Variants in NLRC5 observed in about 807,000 individuals in gnomAD.
NLRC5 encodes NLR family CARD domain containing 5.
NLRC5 carries 114 observed loss-of-function variants against 206.9 expected under a neutral mutation model. The observed-to-expected ratio is 0.55, with a 90% CI of 0.47 to 0.64. NLRC5 has a LOEUF of 0.64. Among genes scored for constraint, NLRC5 ranks in the 30% least tolerant of loss-of-function variants. The pLI is 0.00. For missense variants in NLRC5, 2,008 were observed against 2,305.5 expected (o/e 0.87, Z 2.64); for synonymous variants, 952 against 962.8 (o/e 0.99, Z 0.21).
intron 2 of NLRC5, among the ~76,000 whole-genome samples, chr16:57,017,730 T>C (rs1416123020): frequency 2.0e-5 from 3 of 152,236 alleles, no homozygotes; most frequent in Admixed American, 6.5e-5. Flanking sequence ...AGGCATGACA[T>C]GAGTCTTTTT....
chr16:57,082,517 TG>T lies in NLRC5; in HGVS notation c.5594del (p.Gly1865ValfsTer19), dbSNP rs778943970. 20 of 1,612,816 alleles carry T rather than the reference TG, an allele frequency of 1.2e-5. No individual in the cohort carries two copies. In the East Asian group the frequency reaches 1.6e-4, roughly 13 times the overall value. On this transcript the variant is annotated frameshift_variant, in exon 49 of 49. Transcript: ENST00000688547. LOFTEE classifies it high-confidence loss of function. ...CTTTGACAACCAGCCCCAGGCCCCT[TG>T]GGGTACTTGATGGCCCCCTCAAGAC... ...AFFDNQPQAP[W>X]GT
Position 57,055,488 on chromosome 16 carries a change from C to T in NLRC5, c.3715C>T (p.Leu1239=). 6.2e-7 allele frequency: 1 copy of T among 1,613,820 alleles called. No homozygotes were observed. The highest frequency in any genetic ancestry group is 8.5e-7 in the Non-Finnish European group (1 of 1,179,862). The change falls in exon 27 of 49, where the codon CTG becomes TTG. Residue 1239 remains leucine, a synonymous_variant. Transcript: ENST00000688547. ...QEHVESLCWL[L]SKCKDLSQVD... ...GCACGTAGAGTCACTCTGCTGGTTG[C>T]TGAGCAAGTGTAAAGACCTCAGCCA...
chr16:57,073,221 C>G (rs152221), intron 38 of NLRC5, among the ~76,000 whole-genome samples: 63,187 of 152,018 alleles, frequency 0.42, 13,830 homozygotes, highest in South Asian at 0.58. Flanking sequence ...TGCTCCTTAC[C>G]TCCTGCTGCC....
intron 1 of NLRC5, among the ~76,000 whole-genome samples, chr16:57,015,638 AGG>A (rs2059982847): frequency 6.7e-6 from 1 of 149,004 alleles, no homozygotes; most frequent in Non-Finnish European, 1.5e-5. Flanking sequence ...AAATAAATAA[AGG>A]AAAGAGGCTG....
chr16:57,078,120 C>T, intron 43 of NLRC5, 100 bp downstream of exon 43: 3 of 972,382 alleles, frequency 3.1e-6, no homozygotes, highest in South Asian at 3.7e-5. Context: ...CTGCCCTGCC[C>T]CAAGTCAAGC....
chr16:57,013,684 C>G, intron 1 of NLRC5: 1 of 845,160 alleles, frequency 1.2e-6, no homozygotes, highest in Non-Finnish European at 2.1e-6. Context: ...AACTCACTTG[C>G]TGGTAACCTG....
At chr16:57,077,081 T>C (rs1393074540) in intron 40 of NLRC5, among the ~76,000 whole-genome samples, 179 bp downstream of exon 40, 1 of 151,970 alleles carries the variant, frequency 6.6e-6, no homozygotes, top group African/African-American at 2.4e-5. Context: ...GATGTAAGAG[T>C]GTCAATTGTA....
At chr16:57,054,653 G>A in intron 24 of NLRC5, 98 bp from the exon 25 acceptor site, 1 of 866,264 alleles carries the variant, frequency 1.2e-6, no homozygotes, top group South Asian at 1.3e-5. Context: ...TTGCCTTGCT[G>A]AGCTGCTAGC....
intron 12 of NLRC5, 86 bp from the exon 13 acceptor site, chr16:57,034,082 C>A: frequency 8.7e-7 from 1 of 1,142,860 alleles, no homozygotes; most frequent in East Asian, 2.5e-5. Context: ...TGTGGGCCCC[C>A]TGACTCCCCC....
At position 57,070,609 on chromosome 16, in the gene NLRC5, A is replaced by G; in HGVS notation, c.4658A>G (p.Lys1553Arg). ...GCCCTTGAGGGGAAATGGATGCTAA[A>G]GAGGCTGGAGTAAGTAGTGATGGTG... ...MRALEGKWML[K>R]RLDLSHLLLN... Residue 1553 changes from lysine to arginine, a missense_variant, in exon 38 of 49, where the codon AAG becomes AGG. Transcript: ENST00000688547. 4 of 1,613,960 alleles carry G rather than the reference A, an allele frequency of 2.5e-6. No individual in the cohort carries two copies. The highest frequency in any genetic ancestry group is 1.3e-5 in the African/African-American group (1 of 75,044).
intron 1 of NLRC5, among the ~76,000 whole-genome samples, chr16:57,016,322 AC>A (rs1384009467): frequency 6.6e-6 from 1 of 152,218 alleles, no homozygotes; most frequent in East Asian, 1.9e-4. Context: ...TTACCATACT[AC>A]ATACCACCTC....
intron 17 of NLRC5, 42 bp downstream of exon 17, chr16:57,040,760 C>T (rs773606137): frequency 3.2e-6 from 5 of 1,581,116 alleles, no homozygotes; most frequent in Non-Finnish European, 8.7e-7. Flanking sequence ...TTCCAGCCCC[C>T]TCCCTTCCCC....
In NLRC5 at chr16:57,058,964, C is replaced by T. The variant is rs2066053290; in HGVS notation, c.3831-8C>T. On this transcript the variant is annotated splice_polypyrimidine_tract_variant and splice_region_variant and intron_variant, in intron 28 of 48. Transcript: ENST00000688547. Reference sequence around the variant, plus strand: ...TCACTCCCATTCTCATCTCCATTTCCCTTCTAGTCTGAGTCACAACAGCAT... The same window carrying T: ...TCACTCCCATTCTCATCTCCATTTCTCTTCTAGTCTGAGTCACAACAGCAT... The T allele has an allele frequency of 1.2e-6, 2 of 1,613,604 alleles. No individual in the cohort carries two copies. The highest frequency in any genetic ancestry group is 1.7e-6 in the Non-Finnish European group (2 of 1,179,524).
At chr16:56,996,162 G>C (rs1438374492) in intron 1 of NLRC5, among the ~76,000 whole-genome samples, 2 of 151,948 alleles carry the variant, frequency 1.3e-5, no homozygotes, top group African/African-American at 4.8e-5. Context: ...TGTTTTCCTT[G>C]GCTTTCTTTC....
chr16:57,015,979 C>T (rs975695090), intron 1 of NLRC5, among the ~76,000 whole-genome samples: 23 of 147,920 alleles, frequency 1.6e-4, no homozygotes, highest in Non-Finnish European at 3.1e-4. Flanking sequence ...CTTAAAGAGG[C>T]TGAGGCAGGC....
chr16:56,999,232 G>A (rs1275612888), intron 1 of NLRC5, among the ~76,000 whole-genome samples: 4 of 152,214 alleles, frequency 2.6e-5, no homozygotes, highest in African/African-American at 9.6e-5. Context: ...AGGGGTTAGA[G>A]TTTCAACATG....
chr16:57,030,090 CAGA>C lies in NLRC5; in HGVS notation c.2417+9_2417+11del, dbSNP rs1393536221. Reference sequence around the variant, plus strand: ...GTCAGGATGCTTCAGGCCAGGTGAGCAGAAGGAAAGGGATCTTGGCCTTATGGG... The same window carrying C: ...GTCAGGATGCTTCAGGCCAGGTGAGCAGGAAAGGGATCTTGGCCTTATGGG... On this transcript the variant is annotated splice_region_variant and intron_variant, in intron 10 of 48. Transcript: ENST00000688547. 6.2e-7 allele frequency: 1 copy of C among 1,612,708 alleles called. No homozygotes were observed. The highest frequency in any genetic ancestry group is 1.1e-5 in the South Asian group (1 of 91,016).
intron 1 of NLRC5, chr16:57,013,234 G>T: frequency 3.9e-6 from 2 of 511,190 alleles, no homozygotes; most frequent in Admixed American, 3.2e-5. Flanking sequence ...CCTTGGTAAA[G>T]CCACATTCAA....
chr16:56,994,558 G>C (rs1477478478), intron 1 of NLRC5, among the ~76,000 whole-genome samples: 2 of 152,228 alleles, frequency 1.3e-5, no homozygotes, highest in African/African-American at 4.8e-5. Flanking sequence ...TCAGGTGGAA[G>C]TGACTGCAGT....
Sources: gnomAD v4.1 joint callset for allele counts (sites outside exome capture counted in the v4.1 genomes callset) on GRCh38, gnomAD v4.1.1 for gene constraint, MANE v1.5 for transcripts, NCBI Gene and HGNC (gene_info 2026-07-23, HGNC 2026-07-21) for gene names.